The following NUP98 variants were observed in gnomAD, a reference collection of about 807,000 sequenced individuals.
NUP98 encodes the protein nucleoporin 98 and 96 precursor.
Under a neutral mutation model 191.9 loss-of-function variants are expected in NUP98, and 26 were observed. The observed-to-expected ratio is 0.14, with a 90% CI of 0.10 to 0.19. NUP98 has a LOEUF of 0.19. Among genes scored for constraint, NUP98 ranks in the 10% least tolerant of loss-of-function variants. The pLI is 1.00. For synonymous variants in NUP98, 808 were observed against 778.4 expected, an observed-to-expected ratio of 1.04 and a Z score of -0.63; for missense variants, 1,941 against 2,178.8, an observed-to-expected ratio of 0.89 and a Z score of 2.17.
At position 3,686,140 on chromosome 11, in the gene NUP98, C is replaced by G. The variant is rs2078126122; in HGVS notation, c.4509G>C (p.Leu1503Phe). ...ACAAGTGCCAGCTTAGGCGGTAGTC[C>G]AAAGGATCTGCTGTTATGCTTCGAG... ...LEPRSITADP[L>F]DYRLSWHLWE... Residue 1503 changes from leucine to phenylalanine, a missense_variant, in exon 29 of 33, where the codon TTG becomes TTC. Physicochemically the swap from Leu to Phe is conservative, Grantham distance 22 (BLOSUM62 0). Transcript: ENST00000324932. 1 of 1,614,068 alleles carries G rather than the reference C, an allele frequency of 6.2e-7. No individual in the cohort carries two copies. The highest frequency in any genetic ancestry group is 8.5e-7 in the Non-Finnish European group (1 of 1,180,048).
rs71041382 is a variant in NUP98 at position 3,724,780 on chromosome 11, C to CA, written c.1847+322dup. On this transcript the variant is annotated intron_variant, in intron 15 of 32. Coordinates refer to ENST00000324932, the MANE Select transcript of NUP98 (RefSeq NM_016320.5). ...TGGGCGACAGAGTGAGACTCTGTCT[C>CA]AAAAAAAAAAAAGAAAGAAAATCAT... 6.2e-4 allele frequency among the ~76,000 whole-genome samples: 50 copies of CA among 80,130 alleles called. 2 individuals carry two copies. The highest frequency in any genetic ancestry group is 8.3e-4 in the Non-Finnish European group (34 of 41,022). 52.6% of individuals were successfully genotyped at this position (80,130 alleles called of 152,430 possible). A position where few individuals can be genotyped will look rare whatever the true frequency, so the allele number is the denominator to read the frequency against.
rs746210894 is a variant in NUP98 at position 3,706,647 on chromosome 11, C to G, written c.2743-20G>C. ...CTGGCTCTGTAGACAGCAGAAAGATCAGGAAAGCAGCATTAAATTATACCA... is the reference window on the plus strand; with the variant it reads ...CTGGCTCTGTAGACAGCAGAAAGATGAGGAAAGCAGCATTAAATTATACCA... On this transcript the variant is annotated intron_variant, in intron 20 of 32. Transcript: ENST00000324932. 6.2e-7 allele frequency: 1 copy of G among 1,605,722 alleles called. No individual in the cohort carries two copies. Among genetic ancestry groups the G allele is most frequent in the Admixed American group, 1.7e-5 (1 of 58,992 alleles).
intron 11 of NUP98, among the ~76,000 whole-genome samples, chr11:3,752,125 C>T (rs1426434079): frequency 6.9e-6 from 1 of 144,964 alleles, no homozygotes; most frequent in Middle Eastern, 3.3e-3. Flanking sequence ...GCCTGGGGGA[C>T]GGAGCAAGAC....
intron 10 of NUP98, among the ~76,000 whole-genome samples, chr11:3,757,702 GGCA>G (rs1183905616): frequency 6.6e-6 from 1 of 151,786 alleles, no homozygotes; most frequent in African/African-American, 2.4e-5. Context: ...GGGAGGCTGA[GGCA>G]GAAGAATCGC....
chr11:3,726,170 A>G (rs1248505681), intron 14 of NUP98, among the ~76,000 whole-genome samples: 1 of 152,188 alleles, frequency 6.6e-6, no homozygotes, highest in Non-Finnish European at 1.5e-5. Flanking sequence ...TGCTATTGCT[A>G]TCGCCTTTTA....
rs1589878608 is a variant in NUP98 at position 3,752,057 on chromosome 11, T to G, written c.1267+1259A>C. On this transcript the variant is annotated intron_variant, in intron 11 of 32. Coordinates refer to ENST00000324932, the MANE Select transcript of NUP98 (RefSeq NM_016320.5). ...TGGGTACGGTGGCGTGCGACTGTAGTCCCAGCTACTCGGGAAGTGGAGGTT... is the reference window on the plus strand; with the variant it reads ...TGGGTACGGTGGCGTGCGACTGTAGGCCCAGCTACTCGGGAAGTGGAGGTT... Among the ~76,000 whole-genome samples the G allele has an allele frequency of 4.7e-5, 7 of 149,214 alleles. 1 individual carries two copies. In the Admixed American group the frequency reaches 4.7e-4, roughly 10 times the overall value.
intron 1 of NUP98, among the ~76,000 whole-genome samples, chr11:3,786,405 CAA>C (rs1341645501): frequency 6.6e-6 from 1 of 152,192 alleles, no homozygotes; most frequent in African/African-American, 2.4e-5. Context: ...AAATTTACAA[CAA>C]AGATTAACCT....
At chr11:3,748,762 C>T (rs2080608269) in intron 11 of NUP98, among the ~76,000 whole-genome samples, 1 of 152,026 alleles carries the variant, frequency 6.6e-6, no homozygotes, top group Admixed American at 6.6e-5. Flanking sequence ...GCTATTTTTT[C>T]CTACAGGGTT....
chr11:3,690,700 T>C (rs1208936792), intron 28 of NUP98, among the ~76,000 whole-genome samples: 1 of 152,126 alleles, frequency 6.6e-6, no homozygotes, highest in Non-Finnish European at 1.5e-5. Flanking sequence ...ACTAGAGATA[T>C]TACACATTAT....
intron 20 of NUP98, among the ~76,000 whole-genome samples, chr11:3,707,787 C>T (rs1266223522): frequency 1.4e-5 from 2 of 140,854 alleles, no homozygotes; most frequent in East Asian, 4.5e-4. Flanking sequence ...GGTAATGACA[C>T]CCAGGGCTCC....
intron 18 of NUP98, among the ~76,000 whole-genome samples, chr11:3,718,240 CTT>C (rs962740734): frequency 2.2e-4 from 33 of 152,140 alleles, no homozygotes; most frequent in African/African-American, 7.7e-4. Context: ...GAGTCAATCT[CTT>C]TACTAATTAT....
At chr11:3,679,798 A>G in intron 30 of NUP98, 90 bp from the exon 31 acceptor site, 1 of 1,301,758 alleles carries the variant, frequency 7.7e-7, no homozygotes, top group Non-Finnish European at 1.1e-6. Context: ...GAAAGGAAGG[A>G]GAAATAATGT....
Position 3,779,202 on chromosome 11 carries a change from A to T in NUP98, c.132T>A (p.Ser44=). The T allele has an allele frequency of 6.2e-7, 1 of 1,614,254 alleles. No individual in the cohort carries two copies. Among genetic ancestry groups the T allele is most frequent in the East Asian group, 2.2e-5 (1 of 44,892 alleles). Residue 44 remains serine (S), a synonymous_variant, in exon 3 of 33, where the codon TCT becomes TCA. Coordinates refer to ENST00000324932, the MANE Select transcript of NUP98 (RefSeq NM_016320.5). The part of the protein sequence containing the change: ...GGAFGTSAFG[S]SNNTGGLFGN... ...CAAAGAGGCCTCCAGTATTGTTGCT[A>T]GAACCAAATGCAGATGTTCCAAATG... is the stretch of plus-strand genomic sequence containing the variant.
chr11:3,768,397 G>C (rs2081409466), intron 8 of NUP98, among the ~76,000 whole-genome samples, 184 bp downstream of exon 8: 1 of 150,872 alleles, frequency 6.6e-6, no homozygotes, highest in African/African-American at 2.4e-5. Context: ...CTACAGCCTG[G>C]GTGACAGAGC....
At chr11:3,731,780 C>T (rs1390730376) in intron 13 of NUP98, among the ~76,000 whole-genome samples, 1 of 152,128 alleles carries the variant, frequency 6.6e-6, no homozygotes, top group Non-Finnish European at 1.5e-5. Flanking sequence ...ATGCTTGGGT[C>T]CAGAAGTATT....
At chr11:3,697,820 TAAAAAAAAAA>T (rs199874258) in intron 25 of NUP98, among the ~76,000 whole-genome samples, 1 of 97,156 alleles carries the variant, frequency 1.0e-5, no homozygotes, top group Non-Finnish European at 1.9e-5. Context: ...GACTCTGTCT[TAAAAAAAAAA>T]AAAAAAAAAA....
chr11:3,756,813 C>T (rs753171087), intron 10 of NUP98, among the ~76,000 whole-genome samples: 4 of 152,008 alleles, frequency 2.6e-5, no homozygotes, highest in Non-Finnish European at 5.9e-5. Flanking sequence ...GTCGGCTGGG[C>T]GCAGTGGCTC....
At chr11:3,679,746 G>A in intron 30 of NUP98, 38 bp from the exon 31 acceptor site, 1 of 1,589,194 alleles carries the variant, frequency 6.3e-7, no homozygotes, top group Non-Finnish European at 8.6e-7. Context: ...GTCTGCACAA[G>A]TGCATAGTTT....
intron 17 of NUP98, among the ~76,000 whole-genome samples, chr11:3,720,386 T>C (rs1454103980): frequency 6.6e-6 from 1 of 152,076 alleles, no homozygotes; most frequent in African/African-American, 2.4e-5. Flanking sequence ...ACCAAACAGG[T>C]ATACCTAAGC....
Sources: allele counts gnomAD v4.1 joint callset (sites outside exome capture counted in the v4.1 genomes callset), GRCh38; gene constraint gnomAD v4.1.1; transcripts MANE v1.5; gene names NCBI Gene and HGNC (gene_info 2026-07-23, HGNC 2026-07-21).